STAP1: variants seen among roughly 807,000 people sequenced by gnomAD.
STAP1 encodes signal transducing adaptor family member 1, also known as signal-transducing adaptor protein 1.
A neutral mutation model predicts 37.8 loss-of-function variants in STAP1; 30 were observed. That is an observed-to-expected ratio of 0.79 (90% CI 0.59 to 1.08). The LOEUF (loss-of-function observed/expected upper bound fraction) is 1.08. STAP1 is among the 50% of genes least tolerant of loss of function. The pLI is 0.00. For synonymous variants in STAP1, 130 were observed against 116.0 expected, an observed-to-expected ratio of 1.12 and a Z score of -0.78; for missense variants, 357 against 349.4, an observed-to-expected ratio of 1.02 and a Z score of -0.17.
intron 6 of STAP1, among the ~76,000 whole-genome samples, chr4:67,584,871 G>C (rs540152033): frequency 6.6e-6 from 1 of 152,292 alleles, no homozygotes; most frequent in Non-Finnish European, 1.5e-5. Context: ...CCACTGAACT[G>C]TTGTCATAAT....
chr4:67,561,310 TA>T (rs1727332880), intron 1 of STAP1, among the ~76,000 whole-genome samples: 1 of 152,224 alleles, frequency 6.6e-6, no homozygotes, highest in African/African-American at 2.4e-5. Flanking sequence ...TATAGCCAAG[TA>T]ATCTTTGGAG....
At chr4:67,572,289 G>A (rs545320187) in intron 2 of STAP1, among the ~76,000 whole-genome samples, 1 of 152,202 alleles carries the variant, frequency 6.6e-6, no homozygotes, top group African/African-American at 2.4e-5. Flanking sequence ...AGTGAACAGG[G>A]TGTAGGAAAA....
chr4:67,581,567 G>C (rs942809860), intron 5 of STAP1, 96 bp downstream of exon 5: 9 of 1,356,584 alleles, frequency 6.6e-6, no homozygotes, highest in Non-Finnish European at 9.1e-6. Flanking sequence ...TTAAGCCAGG[G>C]ACAATAAGCA....
At chr4:67,569,177 AATG>A (rs1727543419) in intron 1 of STAP1, among the ~76,000 whole-genome samples, 1 of 152,244 alleles carries the variant, frequency 6.6e-6, no homozygotes, top group Admixed American at 6.5e-5. Flanking sequence ...ATTGTAACAC[AATG>A]ATAAGTATTT....
chr4:67,604,902 G>C (rs1728418114), intron 8 of STAP1, among the ~76,000 whole-genome samples: 1 of 152,126 alleles, frequency 6.6e-6, no homozygotes, highest in East Asian at 1.9e-4. Flanking sequence ...TCTGTATTCA[G>C]CCTGGGACTT....
intron 4 of STAP1, among the ~76,000 whole-genome samples, chr4:67,577,651 C>CTTTCTTTTTTTTTTTTT (rs144082927): frequency 1.1e-5 from 1 of 91,578 alleles, no homozygotes; most frequent in Non-Finnish European, 2.2e-5. Context: ...TTCTTTCTTT[C>CTTTCTTTTTTTTTTTTT]TTTTTTTTTT....
chr4:67,559,805 A>T (rs976437016), intron 1 of STAP1, among the ~76,000 whole-genome samples: 3 of 152,126 alleles, frequency 2.0e-5, no homozygotes, highest in Non-Finnish European at 4.4e-5. Context: ...ATATTTTCTG[A>T]GGATTTATGA....
At position 67,590,954 on chromosome 4, in the gene STAP1, G is replaced by T; in HGVS notation, c.729+1G>T. ...CTACACTATTGAACTGGAAAAACCTGTAAGTAACTATTTTTGTTGTTGTTG... is the reference window on the plus strand; with the variant it reads ...CTACACTATTGAACTGGAAAAACCTTTAAGTAACTATTTTTGTTGTTGTTG... On this transcript the variant is annotated splice_donor_variant, in intron 7 of 8. Transcript: ENST00000265404. LOFTEE classifies it high-confidence loss of function. 2 of 1,608,894 alleles carry T rather than the reference G, an allele frequency of 1.2e-6. No homozygotes were observed. Among genetic ancestry groups the T allele is most frequent in the Non-Finnish European group, 1.7e-6 (2 of 1,176,906 alleles).
At chr4:67,596,641 G>A (rs551242703) in intron 8 of STAP1, among the ~76,000 whole-genome samples, 1 of 152,318 alleles carries the variant, frequency 6.6e-6, no homozygotes, top group Admixed American at 6.5e-5. Flanking sequence ...AACTTGTTGG[G>A]AACTCGAGTA....
Position 67,567,868 on chromosome 4 carries a change from G to T in STAP1, c.121-3216G>T, listed in dbSNP as rs1169531761. ...GGCCACCTTAGACCATTCAGCCATA[G>T]CCAAGCAAGCCCAGATCAGAAAGGC... On this transcript the variant is annotated intron_variant, in intron 1 of 8. Transcript: ENST00000265404. Among the ~76,000 whole-genome samples, 8 of 152,206 alleles carry T rather than the reference G, an allele frequency of 5.3e-5. No individual in the cohort carries two copies. The East Asian group carries it at 1.5e-3, about 29-fold the overall frequency.
intron 1 of STAP1, among the ~76,000 whole-genome samples, chr4:67,561,999 G>A (rs1727349988): frequency 6.8e-6 from 1 of 147,824 alleles, no homozygotes; most frequent in African/African-American, 2.5e-5. Flanking sequence ...TTGAACCTGG[G>A]AGTCAGAGGT....
At chr4:67,595,011 G>T (rs1172246027) in intron 8 of STAP1, among the ~76,000 whole-genome samples, 1 of 152,004 alleles carries the variant, frequency 6.6e-6, no homozygotes, top group Non-Finnish European at 1.5e-5. Flanking sequence ...TTTTAACAGT[G>T]TCTTTAGGAG....
intron 2 of STAP1, among the ~76,000 whole-genome samples, chr4:67,574,451 T>C (rs1167812398): frequency 6.6e-6 from 1 of 152,208 alleles, no homozygotes; most frequent in East Asian, 1.9e-4. Flanking sequence ...CAAAACATCA[T>C]GTATGTATTA....
intron 1 of STAP1, among the ~76,000 whole-genome samples, chr4:67,564,232 C>T (rs1727415450): frequency 6.6e-6 from 1 of 152,116 alleles, no homozygotes; most frequent in African/African-American, 2.4e-5. Flanking sequence ...CTTACTTTTC[C>T]TCCAGGGCTG....
Position 67,594,200 on chromosome 4 carries a change from AT to A in STAP1, c.826+846del, listed in dbSNP as rs538915980. 3.7e-4 allele frequency among the ~76,000 whole-genome samples: 57 copies of A among 152,288 alleles called. 2 individuals are homozygous for A. In the South Asian group the frequency reaches 5.8e-3, roughly 15 times the overall value. On this transcript the variant is annotated intron_variant, in intron 8 of 8. Coordinates refer to ENST00000265404, the MANE Select transcript of STAP1 (RefSeq NM_012108.4). ...TCAAAACAAGTCTCTTTTTCTACAG[AT>A]TATGGGGGAAAGCAACCTTATTTGG...
chr4:67,593,411 ATCCC>A, intron 8 of STAP1, 55 bp downstream of exon 8: 1 of 1,331,304 alleles, frequency 7.5e-7, no homozygotes. Context: ...ACAAAACAAA[ATCCC>A]CAAAACTCTG....
At chr4:67,566,983 A>C (rs1003941649) in intron 1 of STAP1, among the ~76,000 whole-genome samples, 22 of 152,120 alleles carry the variant, frequency 1.4e-4, no homozygotes, top group Admixed American at 1.2e-3. Flanking sequence ...CAAAAAATAA[A>C]ATAAAATAAA....
chr4:67,590,294 T>C (rs1044581084), intron 6 of STAP1, among the ~76,000 whole-genome samples: 13 of 152,180 alleles, frequency 8.5e-5, no homozygotes, highest in Non-Finnish European at 1.5e-5. Context: ...ATTCATGTAA[T>C]GTACTTACAT....
At chr4:67,570,053 A>G (rs958708562) in intron 1 of STAP1, among the ~76,000 whole-genome samples, 1 of 152,132 alleles carries the variant, frequency 6.6e-6, no homozygotes, top group African/African-American at 2.4e-5. Flanking sequence ...TTTAGGGGTA[A>G]TAACATGCAT....
Sources: gnomAD v4.1 joint callset for allele counts (sites outside exome capture counted in the v4.1 genomes callset) on GRCh38, gnomAD v4.1.1 for gene constraint, MANE v1.5 for transcripts, NCBI Gene and HGNC (gene_info 2026-07-23, HGNC 2026-07-21) for gene names.